RTN1: variants seen among roughly 807,000 people sequenced by gnomAD.
The protein encoded by RTN1 is reticulon-1.
Under a neutral mutation model 65.5 loss-of-function variants are expected in RTN1, and 25 were observed. The observed-to-expected ratio is 0.38, with a 90% CI of 0.28 to 0.53. The LOEUF is 0.53. Ranked by LOEUF, RTN1 falls within the 20% of genes least tolerant of loss-of-function variation. The probability of loss-of-function intolerance (pLI) is 0.79; values close to 1 mark genes in which losing one functional copy is unlikely to be tolerated. For missense variants in RTN1, 983 were observed against 1,025.4 expected (o/e 0.96, Z 0.57); for synonymous variants, 471 against 447.6 (o/e 1.05, Z -0.66).
intron 1 of RTN1, among the ~76,000 whole-genome samples, chr14:59,869,194 T>C (rs1887846548): frequency 6.6e-6 from 1 of 152,038 alleles, no homozygotes; most frequent in South Asian, 2.1e-4. Context: ...TAATTACGAT[T>C]ACCTTAGACA....
chr14:59,678,696 A>G (rs1242288392), intron 3 of RTN1, among the ~76,000 whole-genome samples: 1 of 152,092 alleles, frequency 6.6e-6, no homozygotes, highest in African/African-American at 2.4e-5. Context: ...CCCTTCCTCA[A>G]CCTCCACTGT....
chr14:59,661,095 G>A (rs1363060738), intron 3 of RTN1, among the ~76,000 whole-genome samples: 5 of 151,876 alleles, frequency 3.3e-5, no homozygotes, highest in Non-Finnish European at 5.9e-5. Flanking sequence ...TACTGTCAGA[G>A]AATACTATAA....
At position 59,693,066 on chromosome 14, in the gene RTN1, T is replaced by A. The variant is rs544020825; in HGVS notation, c.1765+33853A>T. Among the ~76,000 whole-genome samples the A allele has an allele frequency of 1.4e-4, 22 of 152,274 alleles. No homozygotes were observed. In the South Asian group the frequency reaches 3.3e-3, roughly 23 times the overall value. On this transcript the variant is annotated intron_variant, in intron 3 of 8. Coordinates refer to ENST00000267484, the MANE Select transcript of RTN1 (RefSeq NM_021136.3). ...TTAGGTCATGAAAATGGAGGTCACATGAATGGGCTTAGTCCCCTTATAAAA... is the reference window on the plus strand; with the variant it reads ...TTAGGTCATGAAAATGGAGGTCACAAGAATGGGCTTAGTCCCCTTATAAAA...
rs1464176992 is a variant in RTN1 at position 59,727,138 on chromosome 14, G to C, written c.1546C>G (p.Leu516Val). 2 of 1,602,790 alleles carry C rather than the reference G, an allele frequency of 1.2e-6. No individual in the cohort carries two copies. The highest frequency in any genetic ancestry group is 1.7e-6 in the Non-Finnish European group (2 of 1,174,864). The change falls in exon 3 of 9, where the codon CTG becomes GTG. Residue 516 changes from leucine to valine, a missense_variant. By Grantham distance (32) the Leu-to-Val change is conservative. Around this residue, in one of 2 missense-constraint regions of RTN1, gnomAD observed 818 missense variants for 801.8 expected, o/e 1.02. Transcript: ENST00000267484. This position sits in a 1 kb window ranked among gnomAD's most constrained non-coding sequence, Gnocchi z 4.2. ...AEERAPSRRG[L>V]AEPGSFLDYP... Reference sequence around the variant, plus strand: ...TCGAGGAAGGAACCCGGCTCGGCCAGGCCCCGCCGGCTTGGCGCACGCTCC... The same window carrying C: ...TCGAGGAAGGAACCCGGCTCGGCCACGCCCCGCCGGCTTGGCGCACGCTCC...
intron 3 of RTN1, among the ~76,000 whole-genome samples, chr14:59,667,902 T>C (rs1176573572): frequency 1.3e-5 from 2 of 152,126 alleles, no homozygotes; most frequent in African/African-American, 4.8e-5. Flanking sequence ...ACAAGGGATG[T>C]GAAGGACCTC....
rs1447565602 is a variant in RTN1, at chr14:59,721,604, C to A, written c.1765+5315G>T. 2.6e-5 allele frequency among the ~76,000 whole-genome samples: 4 copies of A among 152,330 alleles called. No homozygotes were observed. The East Asian group carries it at 7.7e-4, about 29-fold the overall frequency. On this transcript the variant is annotated intron_variant, in intron 3 of 8. Coordinates refer to ENST00000267484, the MANE Select transcript of RTN1 (RefSeq NM_021136.3). The stretch of plus-strand genomic sequence containing the variant: ...AGCACTCCAAAAGGTGCTGAGGTAC[C>A]TGGTCCCCAAGCAACACTTAAGTCC...
intron 1 of RTN1, among the ~76,000 whole-genome samples, chr14:59,837,645 T>A (rs145154216): frequency 6.6e-6 from 1 of 151,886 alleles, no homozygotes; most frequent in African/African-American, 2.4e-5. Context: ...TAAATGCAAA[T>A]AGCAATAAAC....
At chr14:59,750,262 TATA>T (rs1290914961) in intron 1 of RTN1, among the ~76,000 whole-genome samples, 2 of 74,364 alleles carry the variant, frequency 2.7e-5, no homozygotes, top group Non-Finnish European at 4.4e-5. Flanking sequence ...ATATAATATA[TATA>T]ATATCTATAA....
At chr14:59,672,159 G>A (rs1183176638) in intron 3 of RTN1, among the ~76,000 whole-genome samples, 1 of 152,144 alleles carries the variant, frequency 6.6e-6, no homozygotes, top group East Asian at 1.9e-4. Flanking sequence ...TACTTTAGAT[G>A]CCATTTGACC....
intron 1 of RTN1, among the ~76,000 whole-genome samples, chr14:59,755,130 A>C (rs984952679): frequency 1.3e-5 from 2 of 152,138 alleles, no homozygotes; most frequent in African/African-American, 4.8e-5. Context: ...AACTCTATAA[A>C]GCTCCTCTTA....
chr14:59,723,223 G>C (rs981999297), intron 3 of RTN1, among the ~76,000 whole-genome samples: 7 of 152,174 alleles, frequency 4.6e-5, no homozygotes, highest in Non-Finnish European at 8.8e-5. Context: ...GAGAGGACAA[G>C]AAAGATGAGA....
intron 3 of RTN1, among the ~76,000 whole-genome samples, chr14:59,698,766 A>C (rs1884116121): frequency 6.6e-6 from 1 of 152,196 alleles, no homozygotes; most frequent in African/African-American, 2.4e-5. Flanking sequence ...GCAAAAATGG[A>C]CTAATACCTA....
chr14:59,635,539 GGAA>G (rs1882646145), intron 3 of RTN1, among the ~76,000 whole-genome samples: 1 of 152,150 alleles, frequency 6.6e-6, no homozygotes, highest in Non-Finnish European at 1.5e-5. Flanking sequence ...GAAGGGAGTG[GGAA>G]GAGTAAAAGC....
At chr14:59,639,055 G>A (rs1882723322) in intron 3 of RTN1, among the ~76,000 whole-genome samples, 1 of 151,934 alleles carries the variant, frequency 6.6e-6, no homozygotes, top group Non-Finnish European at 1.5e-5. Context: ...CCACTGTAGG[G>A]TTATTCATTG....
chr14:59,813,918 G>A (rs2139616372), intron 1 of RTN1, among the ~76,000 whole-genome samples: 1 of 152,128 alleles, frequency 6.6e-6, no homozygotes, highest in African/African-American at 2.4e-5. Flanking sequence ...AAAAGTTTTA[G>A]AGACCATCGC....
At chr14:59,841,011 G>A (rs1887301778) in intron 1 of RTN1, among the ~76,000 whole-genome samples, 1 of 152,112 alleles carries the variant, frequency 6.6e-6, no homozygotes, top group African/African-American at 2.4e-5. Context: ...TTCCATATGT[G>A]ACCTTCAGCA....
intron 1 of RTN1, among the ~76,000 whole-genome samples, chr14:59,837,885 T>TA (rs1428342231): frequency 6.6e-6 from 1 of 152,142 alleles, no homozygotes; most frequent in African/African-American, 2.4e-5. Flanking sequence ...CAGCAAGTCA[T>TA]AATCTTTTTG....
chr14:59,837,311 T>C (rs1204502592), intron 1 of RTN1, among the ~76,000 whole-genome samples: 2 of 151,864 alleles, frequency 1.3e-5, no homozygotes, highest in East Asian at 1.9e-4. Context: ...AAACTCAAAA[T>C]TGATTAAATG....
chr14:59,704,533 A>G (rs1328137723), intron 3 of RTN1, among the ~76,000 whole-genome samples: 1 of 152,226 alleles, frequency 6.6e-6, no homozygotes, highest in Non-Finnish European at 1.5e-5. Flanking sequence ...GCCCAGAGTC[A>G]CTAGAACCTA....
Sources: gnomAD v4.1 joint callset for allele counts (sites outside exome capture counted in the v4.1 genomes callset) on GRCh38, gnomAD v4.1.1 for gene constraint, gnomAD v4.1.1 regional missense constraint, Gnocchi (gnomAD v3.1) non-coding constraint, MANE v1.5 for transcripts, NCBI Gene and HGNC (gene_info 2026-07-23, HGNC 2026-07-21) for gene names.